The following FGGY variants were observed in gnomAD, a reference collection of about 807,000 sequenced individuals.
The protein encoded by FGGY is FGGY carbohydrate kinase domain-containing protein.
A neutral mutation model predicts 71.3 loss-of-function variants in FGGY; 72 were observed. The observed-to-expected ratio is 1.01, with a 90% CI of 0.84 to 1.23. The LOEUF (loss-of-function observed/expected upper bound fraction) is 1.23. Ranked by LOEUF, FGGY falls within the 50% of genes most tolerant of loss-of-function variation. The pLI is 0.00. For missense variants in FGGY, 668 were observed against 682.3 expected, an observed-to-expected ratio of 0.98 and a Z score of 0.23; for synonymous variants, 251 against 250.3, an observed-to-expected ratio of 1.00 and a Z score of -0.02.
In FGGY at chr1:59,660,254, T is replaced by TCTTG. The variant is rs1225855429; in HGVS notation, c.1259_1262dup (p.Ile422CysfsTer104). 2 of 1,613,438 alleles carry TCTTG rather than the reference T, an allele frequency of 1.2e-6. No individual in the cohort carries two copies. The highest frequency in any genetic ancestry group is 1.7e-6 in the Non-Finnish European group (2 of 1,180,028). On this transcript the variant is annotated frameshift_variant, in exon 12 of 16. Transcript: ENST00000303721. LOFTEE classifies it high-confidence loss of function. ...TGAAACTGTCTCAGGACCTTGATGA[T>TCTTG]CTTGCCATTCTCTACCTGGCCACAG...
chr1:59,372,318 A>G (rs986625153), intron 4 of FGGY, among the ~76,000 whole-genome samples: 15 of 152,256 alleles, frequency 9.9e-5, no homozygotes, highest in South Asian at 2.1e-4. Flanking sequence ...GAAGAAATGG[A>G]TAAATTACTT....
At chr1:59,394,449 ATTGTGTGACC>A (rs1200186940) in intron 5 of FGGY, among the ~76,000 whole-genome samples, 2 of 152,130 alleles carry the variant, frequency 1.3e-5, no homozygotes, top group African/African-American at 2.4e-5. Context: ...CCTGGGACTT[ATTGTGTGACC>A]TTGAGCACGT....
chr1:59,641,386 A>G, intron 11 of FGGY: 1 of 1,549,268 alleles, frequency 6.5e-7, no homozygotes, highest in Non-Finnish European at 8.8e-7. Flanking sequence ...ACATTTACCC[A>G]TTCACTGTGT....
chr1:59,535,291 A>C lies in FGGY; in HGVS notation c.800-18833A>C, dbSNP rs2095282329. Among the ~76,000 whole-genome samples, 3 of 152,202 alleles carry C rather than the reference A, an allele frequency of 2.0e-5. No homozygotes were observed. The South Asian group carries it at 6.2e-4, about 31-fold the overall frequency. On this transcript the variant is annotated intron_variant, in intron 7 of 15. Coordinates refer to ENST00000303721, the MANE Select transcript of FGGY (RefSeq NM_018291.5). The stretch of plus-strand genomic sequence containing the variant: ...CAACAAGAAGAGCTAACTATCCTAA[A>C]TATATGTGCACCCAATACAGGAGCA...
intron 14 of FGGY, among the ~76,000 whole-genome samples, chr1:59,728,371 C>T (rs1014428583): frequency 6.6e-6 from 1 of 151,944 alleles, no homozygotes; most frequent in African/African-American, 2.4e-5. Context: ...TTTCATTTAT[C>T]CATTTGCTAT....
intron 8 of FGGY, among the ~76,000 whole-genome samples, chr1:59,569,785 A>C (rs949996273): frequency 1.3e-5 from 2 of 152,226 alleles, no homozygotes; most frequent in African/African-American, 2.4e-5. Context: ...TGAATCAGTC[A>C]GAGCAGATGT....
In FGGY at chr1:59,541,723, G is replaced by T. The variant is rs1040440137; in HGVS notation, c.800-12401G>T. ...ATGGATATGCAGAATATATCCGAAA[G>T]AAATGTGTACTTCAATGTACCAAAA... On this transcript the variant is annotated intron_variant, in intron 7 of 15. Coordinates refer to ENST00000303721, the MANE Select transcript of FGGY (RefSeq NM_018291.5). Among the ~76,000 whole-genome samples, 3 of 152,300 alleles carry T rather than the reference G, an allele frequency of 2.0e-5. No homozygotes were observed. In the South Asian group the frequency reaches 6.2e-4, roughly 32 times the overall value.
At chr1:59,435,782 GTGTGTA>G (rs371284335) in intron 5 of FGGY, among the ~76,000 whole-genome samples, 2 of 137,354 alleles carry the variant, frequency 1.5e-5, no homozygotes, top group Admixed American at 1.5e-4. Context: ...GTGTGTGTGT[GTGTGTA>G]TTTTCTGATG....
Position 59,657,290 on chromosome 1 carries a change from A to G in FGGY, c.1222-2929A>G, listed in dbSNP as rs149773384. 3.5e-4 allele frequency among the ~76,000 whole-genome samples: 54 copies of G among 152,318 alleles called. 1 individual carries two copies. The highest frequency in any genetic ancestry group is 1.2e-3 in the African/African-American group (51 of 41,570). On this transcript the variant is annotated intron_variant, in intron 11 of 15. Coordinates refer to ENST00000303721, the MANE Select transcript of FGGY (RefSeq NM_018291.5). ...GTCTTCAGGAGTGGGTCAGCCACAC[A>G]GAGGATCATGGCTTAATCCTCTTCC... is the stretch of plus-strand genomic sequence containing the variant.
chr1:59,403,997 A>G (rs539955862), intron 5 of FGGY, among the ~76,000 whole-genome samples: 1 of 152,308 alleles, frequency 6.6e-6, no homozygotes, highest in East Asian at 1.9e-4. Flanking sequence ...TAATAATTAT[A>G]TAAGATAAAA....
chr1:59,400,205 G>A (rs548795628), intron 5 of FGGY, among the ~76,000 whole-genome samples: 1 of 152,310 alleles, frequency 6.6e-6, no homozygotes, highest in South Asian at 2.1e-4. Flanking sequence ...GAATTGGGCT[G>A]CAGGCCACTG....
At chr1:59,617,619 G>C (rs1050743317) in intron 9 of FGGY, among the ~76,000 whole-genome samples, 1 of 152,016 alleles carries the variant, frequency 6.6e-6, no homozygotes, top group African/African-American at 2.4e-5. Flanking sequence ...CCCAGACTTT[G>C]TCCACAGAAC....
chr1:59,380,198 A>T (rs987305872), intron 5 of FGGY, among the ~76,000 whole-genome samples: 1 of 151,546 alleles, frequency 6.6e-6, no homozygotes, highest in Non-Finnish European at 1.5e-5. Flanking sequence ...TCTATCATTC[A>T]TGGACATTTG....
At chr1:59,503,670 T>C (rs1264539692) in intron 6 of FGGY, among the ~76,000 whole-genome samples, 2 of 147,624 alleles carry the variant, frequency 1.4e-5, no homozygotes, top group South Asian at 2.1e-4. Context: ...TATAATTAAA[T>C]GTTATATTCA....
chr1:59,405,440 G>C (rs1372129172), intron 5 of FGGY, among the ~76,000 whole-genome samples: 4 of 152,148 alleles, frequency 2.6e-5, no homozygotes, highest in Non-Finnish European at 5.9e-5. Context: ...TGCTAGAGTA[G>C]ATTTGTACAT....
At chr1:59,356,226 G>A (rs835442) in intron 4 of FGGY, among the ~76,000 whole-genome samples, 48,339 of 151,942 alleles carry the variant, frequency 0.32, 8,526 homozygotes, top group African/African-American at 0.46. Flanking sequence ...CAAGGAATCT[G>A]TCATTACTTT....
rs150635219 is a variant in FGGY at position 59,519,168 on chromosome 1, GCA to G, written c.799+6733_799+6734del. Among the ~76,000 whole-genome samples, 674 of 152,314 alleles carry G rather than the reference GCA, an allele frequency of 4.4e-3. 8 individuals carry two copies. The highest frequency in any genetic ancestry group is 0.016 in the African/African-American group (645 of 41,574). The stretch of plus-strand genomic sequence containing the variant: ...TGCGTGACTTAAGCCCATGCTTTGT[GCA>G]CACTTATCACTGTGTTATAAAGAAT... On this transcript the variant is annotated intron_variant, in intron 7 of 15. Transcript: ENST00000303721.
chr1:59,403,232 C>G (rs1423154817), intron 5 of FGGY, among the ~76,000 whole-genome samples: 3 of 152,186 alleles, frequency 2.0e-5, no homozygotes, highest in Non-Finnish European at 2.9e-5. Flanking sequence ...TTGTCTTCCT[C>G]TCTATAAATC....
At chr1:59,586,928 G>C (rs1289605904) in intron 8 of FGGY, among the ~76,000 whole-genome samples, 1 of 152,206 alleles carries the variant, frequency 6.6e-6, no homozygotes, top group Non-Finnish European at 1.5e-5. Context: ...ACTAGGGAGT[G>C]CCAGACAGTG....
Sources: gnomAD v4.1 joint callset for allele counts (sites outside exome capture counted in the v4.1 genomes callset) on GRCh38, gnomAD v4.1.1 for gene constraint, MANE v1.5 for transcripts, NCBI Gene and HGNC (gene_info 2026-07-23, HGNC 2026-07-21) for gene names.